The following CFAP36 variants were observed in gnomAD, a reference collection of about 807,000 sequenced individuals.
CFAP36 encodes cilia- and flagella-associated protein 36.
Under a neutral mutation model 50.5 loss-of-function variants are expected in CFAP36, and 37 were observed. That is an observed-to-expected ratio of 0.73 (90% confidence interval 0.56 to 0.96). The LOEUF (loss-of-function observed/expected upper bound fraction) is 0.96. CFAP36 is among the 50% of genes least tolerant of loss of function. CFAP36 has a pLI of 0.00. For synonymous variants in CFAP36, 138 were observed against 128.2 expected, an observed-to-expected ratio of 1.08 and a Z score of -0.52; for missense variants, 407 against 396.2, an observed-to-expected ratio of 1.03 and a Z score of -0.23.
chr2:55,537,301 C>T (rs1684513427), intron 6 of CFAP36, among the ~76,000 whole-genome samples, 182 bp from the exon 7 acceptor site: 1 of 151,880 alleles, frequency 6.6e-6, no homozygotes, highest in Non-Finnish European at 1.5e-5. Context: ...AATCCAGGAG[C>T]CGGAGGTTGC....
intron 4 of CFAP36, 30 bp from the exon 5 acceptor site, chr2:55,533,843 C>G: frequency 7.2e-7 from 1 of 1,384,914 alleles, no homozygotes; most frequent in Non-Finnish European, 1.0e-6. Flanking sequence ...GGAGTTGATA[C>G]TATTTCATGT....
At chr2:55,537,717 C>T (rs1325502655) in intron 7 of CFAP36, 132 bp downstream of exon 7, 10 of 622,628 alleles carry the variant, frequency 1.6e-5, no homozygotes, top group South Asian at 7.2e-5. Flanking sequence ...TGGTATTTAA[C>T]GTTCTTTGTG....
chr2:55,524,947 C>T (rs771272989), intron 3 of CFAP36, among the ~76,000 whole-genome samples: 1 of 151,540 alleles, frequency 6.6e-6, no homozygotes, highest in South Asian at 2.1e-4. Context: ...CGCCATTGCA[C>T]TCCAGCCTGG....
rs1009835278 is a variant in CFAP36, at chr2:55,529,065, C to T, written c.397+73C>T. On this transcript the variant is annotated intron_variant, in intron 4 of 9. Transcript: ENST00000349456. ...ACAGTTTTGACTATTCTAATATGGT[C>T]TTAAATGTAGCTGTCTCATGTACAT... The T allele has an allele frequency of 6.1e-6, 6 of 988,568 alleles. 1 individual carries two copies. Among genetic ancestry groups the T allele is most frequent in the Non-Finnish European group, 9.0e-6 (6 of 664,336 alleles). The allele number at this position is 988,568 out of a possible 1,614,324, so 61.2% of individuals were successfully genotyped here.
intron 7 of CFAP36, among the ~76,000 whole-genome samples, chr2:55,543,639 T>C (rs969099198): frequency 1.3e-5 from 2 of 152,206 alleles, no homozygotes; most frequent in African/African-American, 2.4e-5. Flanking sequence ...AGTGTAGTTC[T>C]AATCTTTAGA....
intron 7 of CFAP36, among the ~76,000 whole-genome samples, chr2:55,540,136 A>C (rs1468552402): frequency 6.6e-6 from 1 of 152,122 alleles, no homozygotes; most frequent in African/African-American, 2.4e-5. Context: ...ATTTTAATGA[A>C]GTTCAGCTTA....
chr2:55,526,625 T>A (rs1322799843), intron 3 of CFAP36, among the ~76,000 whole-genome samples: 1 of 152,098 alleles, frequency 6.6e-6, no homozygotes, highest in Non-Finnish European at 1.5e-5. Flanking sequence ...AGTTGTTTTG[T>A]AGAGAGGGGG....
chr2:55,542,630 C>G (rs776554127), intron 7 of CFAP36, among the ~76,000 whole-genome samples: 5 of 152,108 alleles, frequency 3.3e-5, no homozygotes, highest in Admixed American at 2.0e-4. Context: ...TGAGAATATA[C>G]GTATGTTCAT....
At chr2:55,521,201 C>CTT (rs11315249) in intron 1 of CFAP36, among the ~76,000 whole-genome samples, 11 of 134,160 alleles carry the variant, frequency 8.2e-5, no homozygotes, top group Non-Finnish European at 1.1e-4. Context: ...ATTTGTACTC[C>CTT]TTTTTTTTTT....
intron 4 of CFAP36, among the ~76,000 whole-genome samples, chr2:55,530,041 A>G (rs1184575230): frequency 6.6e-6 from 1 of 152,130 alleles, no homozygotes; most frequent in Non-Finnish European, 1.5e-5. Context: ...ATTTTTAACA[A>G]TGATATGGTT....
chr2:55,537,686 G>A, intron 7 of CFAP36, 101 bp downstream of exon 7: 1 of 776,820 alleles, frequency 1.3e-6, no homozygotes, highest in East Asian at 2.8e-5. Flanking sequence ...AAAAGCCCTG[G>A]GAGGGAGTAT....
intron 4 of CFAP36, among the ~76,000 whole-genome samples, chr2:55,529,309 C>A (rs1286992604): frequency 1.3e-5 from 2 of 151,870 alleles, no homozygotes; most frequent in Non-Finnish European, 2.9e-5. Context: ...GTAGTCCCAG[C>A]TACTTGGGAG....
chr2:55,521,591 A>ATG (rs1432644386), intron 1 of CFAP36, among the ~76,000 whole-genome samples: 30 of 126,366 alleles, frequency 2.4e-4, no homozygotes, highest in African/African-American at 6.9e-4. Flanking sequence ...AATTAATAGT[A>ATG]TATATGTGTG....
chr2:55,529,072 G>A, intron 4 of CFAP36, 80 bp downstream of exon 4: 1 of 927,122 alleles, frequency 1.1e-6, no homozygotes, highest in Admixed American at 2.7e-5. Flanking sequence ...GGTCTTAAAT[G>A]TAGCTGTCTC....
Position 55,537,584 on chromosome 2 carries a change from AG to A in CFAP36, c.640+1del, listed in dbSNP as rs764474981. ...DGEHFAHPPSEVKMHFANQSI... is the reference protein window; with the variant it reads ...DGEHFAHPPSXVKMHFANQSI... ...GTGAACATTTTGCACACCCACCCTCAGGTAAGGTTGAGGTGTACTGAACTTT... is the reference window on the plus strand; with the variant it reads ...GTGAACATTTTGCACACCCACCCTCAGTAAGGTTGAGGTGTACTGAACTTT... On this transcript the variant is annotated frameshift_variant and splice_region_variant, in exon 7 of 10. Coordinates refer to ENST00000349456, the MANE Select transcript of CFAP36 (RefSeq NM_080667.7). LOFTEE classifies it high-confidence loss of function. 6.2e-7 allele frequency: 1 copy of A among 1,602,188 alleles called. No homozygotes were observed. The highest frequency in any genetic ancestry group is 8.5e-7 in the Non-Finnish European group (1 of 1,171,948).
chr2:55,522,137 A>T lies in CFAP36; in HGVS notation c.151A>T (p.Thr51Ser). The T allele has an allele frequency of 6.5e-7, 1 of 1,543,566 alleles. No homozygotes were observed. Among genetic ancestry groups the T allele is most frequent in the Non-Finnish European group, 8.9e-7 (1 of 1,129,248 alleles). Residue 51 changes from threonine to serine, a missense_variant, in exon 2 of 10, where the codon ACA (threonine) becomes TCA (serine). Thr to Ser is a moderately conservative substitution (Grantham distance 58). Transcript: ENST00000349456. ...DDEEESKLTY[T>S]EIHQEYKELV... ...TGAAGAAGAAAGCAAATTGACCTAT[A>T]CAGAGATTCATCAGGAATACAAAGA...
chr2:55,528,964 A>G lies in CFAP36; in HGVS notation c.369A>G (p.Gln123=), dbSNP rs775252030. ...MVQKNIEMQL[Q]AIRIIQERNG... is the part of the protein sequence containing the mutation. Reference sequence around the variant, plus strand: ...AGAAAAACATTGAAATGCAGCTGCAAGCCATTCGAATAATTCAAGAGAGAA... The same window carrying G: ...AGAAAAACATTGAAATGCAGCTGCAGGCCATTCGAATAATTCAAGAGAGAA... The change falls in exon 4 of 10, where the codon CAA becomes CAG. Residue 123 remains glutamine (Q), a synonymous_variant. Coordinates refer to ENST00000349456, the MANE Select transcript of CFAP36 (RefSeq NM_080667.7). The G allele has an allele frequency of 6.2e-7, 1 of 1,610,036 alleles. No homozygotes were observed.
rs558739196 is a variant in CFAP36, at chr2:55,538,725, G to T, written c.640+1140G>T. ...CCCAAAGCACTAGGATTATAGGCAT[G>T]AGCCACTGTACCCATCCCTTCTTTT... On this transcript the variant is annotated intron_variant, in intron 7 of 9. Transcript: ENST00000349456. 24 of 1,496,250 alleles carry T rather than the reference G, an allele frequency of 1.6e-5. No homozygotes were observed. In the African/African-American group the frequency reaches 3.1e-4, roughly 19 times the overall value. The allele number at this position is 1,496,250 out of a possible 1,614,324, so 92.7% of individuals were successfully genotyped here.
At chr2:55,543,080 TG>T (rs1399584001) in intron 7 of CFAP36, among the ~76,000 whole-genome samples, 1 of 151,448 alleles carries the variant, frequency 6.6e-6, no homozygotes, top group Non-Finnish European at 1.5e-5. Flanking sequence ...TTTTTTTAAC[TG>T]GCAGGATCAA....
Sources: allele counts gnomAD v4.1 joint callset (sites outside exome capture counted in the v4.1 genomes callset), GRCh38; gene constraint gnomAD v4.1.1; transcripts MANE v1.5; gene names NCBI Gene and HGNC (gene_info 2026-07-23, HGNC 2026-07-21).